The following INPP4B variants were observed in gnomAD, a reference collection of about 807,000 sequenced individuals.
The protein encoded by INPP4B is inositol polyphosphate-4-phosphatase type II B.
Under a neutral mutation model 122.5 loss-of-function variants are expected in INPP4B, and 55 were observed. The observed-to-expected ratio is 0.45, with a 90% confidence interval of 0.36 to 0.56. The LOEUF (loss-of-function observed/expected upper bound fraction) is 0.56, where lower values mean the gene tolerates loss of function less well. Among genes scored for constraint, INPP4B ranks in the 20% least tolerant of loss-of-function variants. INPP4B has a pLI of 0.00. For synonymous variants in INPP4B, 403 were observed against 388.7 expected (o/e 1.04, Z -0.43); for missense variants, 1,000 against 1,097.7 (o/e 0.91, Z 1.26).
intron 11 of INPP4B, among the ~76,000 whole-genome samples, chr4:142,252,134 T>C (rs1269816445): frequency 1.3e-5 from 2 of 152,038 alleles, no homozygotes; most frequent in Non-Finnish European, 2.9e-5. Context: ...CAGAGGATTA[T>C]CTAAGACAAG....
intron 2 of INPP4B, among the ~76,000 whole-genome samples, chr4:142,623,800 T>G (rs1472704555): frequency 6.7e-6 from 1 of 148,954 alleles, no homozygotes; most frequent in Non-Finnish European, 1.5e-5. Flanking sequence ...TTCCCACCTA[T>G]GAGTGAGAAA....
intron 1 of INPP4B, among the ~76,000 whole-genome samples, chr4:142,792,722 C>G (rs1776725989): frequency 6.6e-6 from 1 of 152,024 alleles, no homozygotes; most frequent in African/African-American, 2.4e-5. Context: ...AGCACAGCAG[C>G]TTTCCAGGCC....
chr4:142,587,892 G>T (rs1356864217), intron 2 of INPP4B, among the ~76,000 whole-genome samples: 9 of 151,864 alleles, frequency 5.9e-5, no homozygotes, highest in Non-Finnish European at 1.2e-4. Context: ...GAAAGGTAAA[G>T]CATAGACCAA....
At chr4:142,284,994 T>C (rs1481157857) in intron 9 of INPP4B, among the ~76,000 whole-genome samples, 1 of 152,054 alleles carries the variant, frequency 6.6e-6, no homozygotes, top group Non-Finnish European at 1.5e-5. Flanking sequence ...CGTTTTGTGA[T>C]TTCTCAGTGA....
chr4:142,547,669 G>A (rs1726933543), intron 2 of INPP4B, among the ~76,000 whole-genome samples: 1 of 152,172 alleles, frequency 6.6e-6, no homozygotes, highest in Non-Finnish European at 1.5e-5. Flanking sequence ...CGTGTTGAAT[G>A]AGGCTCAAAC....
At position 142,028,680 on chromosome 4, in the gene INPP4B, C is replaced by T. The variant is rs1737812515; in HGVS notation, c.*102G>A. 1.6e-6 allele frequency: 2 copies of T among 1,229,668 alleles called. No homozygotes were observed. The highest frequency in any genetic ancestry group is 2.3e-6 in the Non-Finnish European group (2 of 878,502). 76.2% of individuals were successfully genotyped at this position (1,229,668 alleles called of 1,614,324 possible). ...TGGGAAACATCTGTGATCATCTCCC[C>T]CACCACAAATTCATGACAATAAAAA... is the stretch of plus-strand genomic sequence containing the variant. On this transcript the variant is annotated 3_prime_UTR_variant, in exon 26 of 26. Transcript: ENST00000262992.
chr4:142,179,565 A>AAATGATGCTAATAGGAAG (rs1829881398), intron 15 of INPP4B, among the ~76,000 whole-genome samples: 1 of 152,026 alleles, frequency 6.6e-6, no homozygotes, highest in Non-Finnish European at 1.5e-5. Flanking sequence ...GCTCTGTGAA[A>AAATGATGCTAATAGGAAG]AAAAAAACAT....
At chr4:142,520,488 G>A (rs1392229851) in intron 2 of INPP4B, among the ~76,000 whole-genome samples, 4 of 151,892 alleles carry the variant, frequency 2.6e-5, no homozygotes, top group East Asian at 1.9e-4. Context: ...GTGGCAATAC[G>A]TAAGAAATAA....
At chr4:142,645,377 T>G (rs974200602) in intron 2 of INPP4B, among the ~76,000 whole-genome samples, 2 of 152,202 alleles carry the variant, frequency 1.3e-5, no homozygotes, top group Non-Finnish European at 2.9e-5. Context: ...GTGGAGGCAT[T>G]AATTTGTTTC....
chr4:142,843,991 T>C (rs1268355434), intron 1 of INPP4B, among the ~76,000 whole-genome samples: 1 of 152,166 alleles, frequency 6.6e-6, no homozygotes, highest in Non-Finnish European at 1.5e-5. Context: ...TTCACACAAC[T>C]AAAATATAAT....
chr4:142,200,528 T>C (rs1262955368), intron 14 of INPP4B, among the ~76,000 whole-genome samples: 1 of 152,102 alleles, frequency 6.6e-6, no homozygotes, highest in Non-Finnish European at 1.5e-5. Context: ...TACTTCCATA[T>C]TTATTTCCTT....
intron 18 of INPP4B, among the ~76,000 whole-genome samples, chr4:142,131,084 T>C (rs1000276077): frequency 2.0e-5 from 3 of 152,244 alleles, no homozygotes; most frequent in Non-Finnish European, 2.9e-5. Context: ...ATTCAGGTTA[T>C]GTGTTGACTG....
chr4:142,669,837 C>T (rs929681787), intron 2 of INPP4B, among the ~76,000 whole-genome samples: 1 of 152,026 alleles, frequency 6.6e-6, no homozygotes, highest in East Asian at 1.9e-4. Flanking sequence ...AGAAAGATAA[C>T]AAGTGTTGGC....
At chr4:142,823,704 G>A (rs1163673348) in intron 1 of INPP4B, among the ~76,000 whole-genome samples, 1 of 152,062 alleles carries the variant, frequency 6.6e-6, no homozygotes, top group Non-Finnish European at 1.5e-5. Flanking sequence ...ACTGACTTTT[G>A]ATTGTTCCAG....
chr4:142,450,152 G>C (rs1813823306), intron 3 of INPP4B, among the ~76,000 whole-genome samples: 1 of 152,072 alleles, frequency 6.6e-6, no homozygotes, highest in African/African-American at 2.4e-5. Context: ...GCTCTCCCCA[G>C]CCTCAGCTCT....
At chr4:142,100,465 T>C (rs1383814989) in intron 23 of INPP4B, among the ~76,000 whole-genome samples, 3 of 152,144 alleles carry the variant, frequency 2.0e-5, no homozygotes, top group Non-Finnish European at 4.4e-5. Context: ...CCTGGGTTAG[T>C]AGCAACTCAG....
At chr4:142,169,036 G>A (rs1470454731) in intron 16 of INPP4B, among the ~76,000 whole-genome samples, 1 of 151,522 alleles carries the variant, frequency 6.6e-6, no homozygotes, top group Admixed American at 6.6e-5. Flanking sequence ...GTTGTTTAAG[G>A]TGGGAGGGTC....
At chr4:142,628,645 C>T (rs181976932) in intron 2 of INPP4B, among the ~76,000 whole-genome samples, 142 of 150,036 alleles carry the variant, frequency 9.5e-4, no homozygotes, top group African/African-American at 3.2e-3. Flanking sequence ...CCCATGGATG[C>T]GTAGGTTATT....
chr4:142,387,179 T>G (rs1579921469), intron 7 of INPP4B, among the ~76,000 whole-genome samples: 1 of 152,122 alleles, frequency 6.6e-6, no homozygotes, highest in Non-Finnish European at 1.5e-5. Context: ...ATGGTAATAT[T>G]GCAGTGGTTG....
Sources: gnomAD v4.1 joint callset for allele counts (sites outside exome capture counted in the v4.1 genomes callset) on GRCh38, gnomAD v4.1.1 for gene constraint, MANE v1.5 for transcripts, NCBI Gene and HGNC (gene_info 2026-07-23, HGNC 2026-07-21) for gene names.